Variants in MYB observed in about 807,000 individuals in gnomAD.
MYB encodes transcriptional activator Myb.
MYB carries 28 observed loss-of-function variants against 92.9 expected under a neutral mutation model. The ratio of observed to expected loss-of-function variants is 0.30; its 90% confidence interval spans 0.22 to 0.41. MYB has a LOEUF of 0.41. Among genes scored for constraint, MYB ranks in the 10% least tolerant of loss-of-function variants. MYB has a pLI of 1.00. For synonymous variants in MYB, 295 were observed against 329.1 expected (o/e 0.90, Z 1.12); for missense variants, 679 against 929.3 (o/e 0.73, Z 3.50).
chr6:135,194,349 AT>A lies in MYB; in HGVS notation c.844-4del. 1 of 1,591,368 alleles carries A rather than the reference AT, an allele frequency of 6.3e-7. No individual in the cohort carries two copies. Among genetic ancestry groups the A allele is most frequent in the Non-Finnish European group, 8.6e-7 (1 of 1,162,164 alleles). On this transcript the variant is annotated splice_region_variant and splice_polypyrimidine_tract_variant and intron_variant, in intron 7 of 15. Coordinates refer to ENST00000341911, the MANE Select transcript of MYB (RefSeq NM_001130173.2). Reference sequence around the variant, plus strand: ...TTGTCTTTATTTCCCTTACTTTGTAATTTCAGAGACACTATAATGATGAAGA... The same window carrying A: ...TTGTCTTTATTTCCCTTACTTTGTAATTCAGAGACACTATAATGATGAAGA...
intron 5 of MYB, among the ~76,000 whole-genome samples, chr6:135,191,535 G>A (rs987855235): frequency 2.0e-5 from 3 of 152,118 alleles, no homozygotes; most frequent in South Asian, 2.1e-4. Flanking sequence ...CTCCCATATG[G>A]CCTGAGAGGA....
At chr6:135,200,442 C>G in intron 13 of MYB, 27 bp downstream of exon 13, 1 of 1,613,542 alleles carries the variant, frequency 6.2e-7, no homozygotes, top group Non-Finnish European at 8.5e-7. Flanking sequence ...TTGGAAGCAA[C>G]AAGCTGAGAA....
intron 14 of MYB, chr6:135,202,737 C>T (rs1045393416): frequency 3.1e-6 from 1 of 321,054 alleles, no homozygotes; most frequent in African/African-American, 2.2e-5. Flanking sequence ...TAGTCATTTG[C>T]TCAAGATTGT....
chr6:135,208,049 GTTTTTA>G (rs1779194209), intron 15 of MYB, among the ~76,000 whole-genome samples: 1 of 136,142 alleles, frequency 7.3e-6, no homozygotes, highest in South Asian at 2.5e-4. Context: ...TTTTTATGAA[GTTTTTA>G]TTTTTATTTT....
chr6:135,195,257 T>G, intron 8 of MYB: 1 of 378,870 alleles, frequency 2.6e-6, no homozygotes, highest in Non-Finnish European at 4.6e-6. Flanking sequence ...CCACGTTGAT[T>G]TGGCAGTGCT....
chr6:135,217,324 G>A (rs572960174), intron 15 of MYB, among the ~76,000 whole-genome samples: 1 of 151,630 alleles, frequency 6.6e-6, no homozygotes, highest in African/African-American at 2.4e-5. Flanking sequence ...AGCTGTGATT[G>A]CACCAATACC....
chr6:135,208,371 C>G (rs1265882603), intron 15 of MYB, among the ~76,000 whole-genome samples: 2 of 150,180 alleles, frequency 1.3e-5, no homozygotes, highest in Non-Finnish European at 3.0e-5. Flanking sequence ...GCCACTGCAC[C>G]CGGCCAGTTT....
At chr6:135,195,067 G>C (rs1486042593) in intron 8 of MYB, 1 of 1,309,114 alleles carries the variant, frequency 7.6e-7, no homozygotes, top group Non-Finnish European at 1.0e-6. Flanking sequence ...GACAATAAAA[G>C]AGAAGTGATG....
In MYB at chr6:135,200,951, C is replaced by T. The variant is rs557711685; in HGVS notation, c.1950+536C>T. ...AAAATTAGCTGGGTTTGGTGGCGGG[C>T]GCCTGTAGTCCCAGCTACTCAGGAG... is the stretch of plus-strand genomic sequence containing the variant. On this transcript the variant is annotated intron_variant, in intron 13 of 15. Transcript: ENST00000341911. Among the ~76,000 whole-genome samples the T allele has an allele frequency of 3.3e-5, 5 of 151,984 alleles. No homozygotes were observed. The South Asian group carries it at 6.2e-4, about 19-fold the overall frequency.
intron 9 of MYB, 137 bp from the exon 10 acceptor site, chr6:135,196,824 A>C (rs888286775): frequency 3.2e-6 from 5 of 1,584,020 alleles, no homozygotes; most frequent in Non-Finnish European, 4.3e-6. Flanking sequence ...GCAACTGCTC[A>C]TCTTGAAGCT....
At chr6:135,216,942 A>G (rs538680401) in intron 15 of MYB, among the ~76,000 whole-genome samples, 4 of 152,300 alleles carry the variant, frequency 2.6e-5, no homozygotes, top group Admixed American at 1.3e-4. Flanking sequence ...GCCTGTCTAG[A>G]GAGAGAATGA....
Position 135,203,701 on chromosome 6 carries a change from A to T in MYB, c.2169+377A>T. 5 of 1,415,902 alleles carry T rather than the reference A, an allele frequency of 3.5e-6. 1 individual carries two copies. In the Middle Eastern group the frequency reaches 7.7e-4, roughly 217 times the overall value. The allele number at this position is 1,415,902 out of a possible 1,614,324, so 87.7% of individuals were successfully genotyped here. On this transcript the variant is annotated intron_variant, in intron 15 of 15. Coordinates refer to ENST00000341911, the MANE Select transcript of MYB (RefSeq NM_001130173.2). ...TTATGTTCCAAATTTTTTATTTTTTATGCTGTATCCCTAGGCAACCAAAGC... is the reference window on the plus strand; with the variant it reads ...TTATGTTCCAAATTTTTTATTTTTTTTGCTGTATCCCTAGGCAACCAAAGC...
chr6:135,198,738 C>T (rs555943632), intron 10 of MYB, among the ~76,000 whole-genome samples, 170 bp from the exon 11 acceptor site: 5 of 152,272 alleles, frequency 3.3e-5, no homozygotes, highest in Admixed American at 1.3e-4. Flanking sequence ...CCTGGGTGCT[C>T]AATTGAAATA....
chr6:135,189,464 A>G (rs1481398023), intron 3 of MYB, among the ~76,000 whole-genome samples: 3 of 152,230 alleles, frequency 2.0e-5, no homozygotes, highest in African/African-American at 7.2e-5. Flanking sequence ...ATCTCTATCA[A>G]GCCTCAGGCT....
At chr6:135,204,024 C>G (rs1214800197) in intron 15 of MYB, 2 of 419,844 alleles carry the variant, frequency 4.8e-6, no homozygotes, top group East Asian at 2.2e-4. Flanking sequence ...AGCCCAATAC[C>G]CAGCCACCTG....
intron 13 of MYB, 35 bp downstream of exon 13, chr6:135,200,450 G>T: frequency 6.2e-7 from 1 of 1,613,162 alleles, no homozygotes; most frequent in African/African-American, 1.3e-5. Context: ...AACAAGCTGA[G>T]AATCCTGCCC....
intron 3 of MYB, among the ~76,000 whole-genome samples, chr6:135,188,826 A>C (rs1488412707): frequency 6.6e-6 from 1 of 152,024 alleles, no homozygotes; most frequent in Non-Finnish European, 1.5e-5. Context: ...CTACTTTTCC[A>C]TTCATCCCAA....
chr6:135,215,124 T>C (rs990836524), intron 15 of MYB, among the ~76,000 whole-genome samples: 4 of 152,214 alleles, frequency 2.6e-5, no homozygotes, highest in African/African-American at 9.7e-5. Flanking sequence ...GGCACAAGCT[T>C]TGTGCCCTAG....
rs112250530 is a variant in MYB at position 135,218,242 on chromosome 6, G to T, written c.*262G>T. On this transcript the variant is annotated 3_prime_UTR_variant, in exon 16 of 16. Coordinates refer to ENST00000341911, the MANE Select transcript of MYB (RefSeq NM_001130173.2). ...AGCCAGTTGTTAATATCTTAATGCA[G>T]ATTTTTTTAAAAAAAACATAAAATG... 3.2e-6 allele frequency: 1 copy of T among 317,106 alleles called. No individual in the cohort carries two copies. Among genetic ancestry groups the T allele is most frequent in the South Asian group, 4.4e-5 (1 of 22,964 alleles). 19.6% of individuals were successfully genotyped at this position (317,106 alleles called of 1,614,324 possible).
Sources: allele counts gnomAD v4.1 joint callset (sites outside exome capture counted in the v4.1 genomes callset), GRCh38; gene constraint gnomAD v4.1.1; transcripts MANE v1.5; gene names NCBI Gene and HGNC (gene_info 2026-07-23, HGNC 2026-07-21).